The following TMEM117 variants were observed in gnomAD, a reference collection of about 807,000 sequenced individuals.
TMEM117 encodes transmembrane protein 117.
TMEM117 carries 27 observed loss-of-function variants against 52.4 expected under a neutral mutation model. That is an observed-to-expected ratio of 0.51 (90% CI 0.38 to 0.71). The LOEUF is 0.71. Ranked by LOEUF, TMEM117 falls within the 30% of genes least tolerant of loss-of-function variation. TMEM117 has a pLI of 0.00. For synonymous variants in TMEM117, 215 were observed against 206.3 expected (o/e 1.04, Z -0.36); for missense variants, 556 against 630.5 (o/e 0.88, Z 1.26).
intron 2 of TMEM117, among the ~76,000 whole-genome samples, chr12:43,884,436 T>C (rs926758321): frequency 4.6e-5 from 7 of 152,244 alleles, no homozygotes; most frequent in Non-Finnish European, 1.0e-4. Flanking sequence ...AGTATTTGTT[T>C]TAGTGATAAC....
At chr12:43,983,880 A>T (rs991101888) in intron 3 of TMEM117, among the ~76,000 whole-genome samples, 2 of 152,120 alleles carry the variant, frequency 1.3e-5, no homozygotes, top group Admixed American at 6.6e-5. Flanking sequence ...AGAATAAAAA[A>T]TATCAGTAAT....
Position 43,850,588 on chromosome 12 carries a change from A to C in TMEM117, c.277+5660A>C, listed in dbSNP as rs534539008. On this transcript the variant is annotated intron_variant, in intron 2 of 7. Coordinates refer to ENST00000266534, the MANE Select transcript of TMEM117 (RefSeq NM_032256.3). The stretch of plus-strand genomic sequence containing the variant: ...CCATTTTCCTTCAAATCTCAGTTCA[A>C]GCATTATCTCCTCTGTGACACTTTC... Among the ~76,000 whole-genome samples, 8 of 152,198 alleles carry C rather than the reference A, an allele frequency of 5.3e-5. No homozygotes were observed. The South Asian group carries it at 1.5e-3, about 28-fold the overall frequency.
At chr12:44,031,422 A>C (rs1427168815) in intron 3 of TMEM117, among the ~76,000 whole-genome samples, 2 of 152,204 alleles carry the variant, frequency 1.3e-5, no homozygotes, top group African/African-American at 4.8e-5. Flanking sequence ...AGTCAGGTAT[A>C]GGACTTCGAC....
chr12:43,804,038 A>G, the TMEM117 span: 1 of 212,356 alleles, frequency 4.7e-6, no homozygotes, highest in South Asian at 6.2e-5. Context: ...TCCCAAAACA[A>G]GAAAGGGAAA....
At chr12:43,859,733 A>G (rs190852888) in intron 2 of TMEM117, among the ~76,000 whole-genome samples, 123 of 152,298 alleles carry the variant, frequency 8.1e-4, no homozygotes, top group Middle Eastern at 3.4e-3. Flanking sequence ...AGAATATGTG[A>G]GGAAGACTGA....
chr12:43,873,121 A>G (rs1403906191), intron 2 of TMEM117, among the ~76,000 whole-genome samples: 1 of 152,200 alleles, frequency 6.6e-6, no homozygotes, highest in African/African-American at 2.4e-5. Context: ...AACTGATTAA[A>G]GGTGATAGAA....
At chr12:43,949,518 C>T (rs1479630547) in intron 3 of TMEM117, among the ~76,000 whole-genome samples, 2 of 152,202 alleles carry the variant, frequency 1.3e-5, no homozygotes, top group Admixed American at 6.5e-5. Context: ...ACTAGTTAAA[C>T]TCCGCCATTT....
At chr12:44,047,503 C>T (rs114674781) in intron 3 of TMEM117, among the ~76,000 whole-genome samples, 2,438 of 152,256 alleles carry the variant, frequency 0.016, 49 homozygotes, top group African/African-American at 0.055. Flanking sequence ...TACCTTCATC[C>T]ATATTCAAGA....
intron 4 of TMEM117, among the ~76,000 whole-genome samples, chr12:44,152,462 ATC>A (rs1491092392): frequency 6.1e-5 from 7 of 114,070 alleles, no homozygotes; most frequent in African/African-American, 2.5e-4. Context: ...AAATTTTTAT[ATC>A]TATAATTATA....
At chr12:44,303,384 AT>A (rs1439334797) in intron 6 of TMEM117, among the ~76,000 whole-genome samples, 1 of 152,168 alleles carries the variant, frequency 6.6e-6, no homozygotes, top group East Asian at 1.9e-4. Context: ...AACCATTAGA[AT>A]TTGGTGCTAC....
intron 5 of TMEM117, 59 bp from the exon 6 acceptor site, chr12:44,299,521 C>G: frequency 6.4e-7 from 1 of 1,572,720 alleles, no homozygotes; most frequent in Non-Finnish European, 8.7e-7. Flanking sequence ...ATAACATGCA[C>G]TCTCTAGTAT....
At chr12:44,350,522 C>T (rs1951547761) in intron 6 of TMEM117, among the ~76,000 whole-genome samples, 1 of 151,950 alleles carries the variant, frequency 6.6e-6, no homozygotes, top group Admixed American at 6.6e-5. Context: ...TATCCATTAT[C>T]CTTCCCATTC....
At chr12:43,961,239 G>A (rs886531849) in intron 3 of TMEM117, among the ~76,000 whole-genome samples, 4 of 151,036 alleles carry the variant, frequency 2.6e-5, no homozygotes, top group African/African-American at 9.7e-5. Context: ...TTTAGTTGAA[G>A]TACTTTAGCT....
At chr12:44,242,889 A>T (rs1215426632) in intron 5 of TMEM117, among the ~76,000 whole-genome samples, 1 of 151,736 alleles carries the variant, frequency 6.6e-6, no homozygotes, top group Non-Finnish European at 1.5e-5. Flanking sequence ...AACAGTGTAT[A>T]AGTGTTCCCT....
At chr12:43,809,996 C>G in the TMEM117 span, among the ~76,000 whole-genome samples, 2 of 152,148 alleles carry the variant, frequency 1.3e-5, no homozygotes, top group Non-Finnish European at 2.9e-5. Flanking sequence ...AATGATATTT[C>G]TTTATTATTT....
chr12:44,216,013 T>C (rs1348318854), intron 5 of TMEM117, among the ~76,000 whole-genome samples: 5 of 144,976 alleles, frequency 3.4e-5, no homozygotes, highest in African/African-American at 1.1e-4. Flanking sequence ...TTCTTTTTTT[T>C]TTTTTTTTTT....
chr12:43,809,298 C>G, the TMEM117 span, among the ~76,000 whole-genome samples: 1 of 152,200 alleles, frequency 6.6e-6, no homozygotes, highest in East Asian at 1.9e-4. Flanking sequence ...AAGAGCTGCA[C>G]TATTTGCGTT....
chr12:44,164,002 T>C (rs1193790099), intron 4 of TMEM117, among the ~76,000 whole-genome samples: 1 of 152,050 alleles, frequency 6.6e-6, no homozygotes. Flanking sequence ...AATAAATGGA[T>C]TGGATCCAAG....
chr12:44,170,706 A>C (rs1386865746), intron 4 of TMEM117, among the ~76,000 whole-genome samples: 1 of 152,160 alleles, frequency 6.6e-6, no homozygotes, highest in African/African-American at 2.4e-5. Context: ...TTGATAGATC[A>C]ATGTTCTCTT....
Sources: gnomAD v4.1 joint callset for allele counts (sites outside exome capture counted in the v4.1 genomes callset) on GRCh38, gnomAD v4.1.1 for gene constraint, MANE v1.5 for transcripts, NCBI Gene and HGNC (gene_info 2026-07-23, HGNC 2026-07-21) for gene names.